LRRC56: variants seen among roughly 807,000 people sequenced by gnomAD.
The protein encoded by LRRC56 is leucine-rich repeat-containing protein 56.
In LRRC56, 41 loss-of-function variants were observed where a neutral mutation model predicts 47.8. That is an observed-to-expected ratio of 0.86 (90% confidence interval 0.67 to 1.11). The LOEUF (loss-of-function observed/expected upper bound fraction) is 1.11. Ranked by LOEUF, LRRC56 falls within the 50% of genes most tolerant of loss-of-function variation. LRRC56 has a pLI of 0.00. For missense variants in LRRC56, 759 were observed against 704.2 expected (o/e 1.08, Z -0.88); for synonymous variants, 387 against 311.2 (o/e 1.24, Z -2.56).
At chr11:547,683 G>A (rs1852160500) in intron 6 of LRRC56, among the ~76,000 whole-genome samples, 1 of 151,906 alleles carries the variant, frequency 6.6e-6, no homozygotes, top group South Asian at 2.1e-4. Flanking sequence ...CAACAAATTA[G>A]CTCTAAGAAC....
At chr11:518,767 G>C in the LRRC56 span, among the ~76,000 whole-genome samples, 1 of 152,160 alleles carries the variant, frequency 6.6e-6, no homozygotes, top group South Asian at 2.1e-4. Context: ...GGCTGCCCAC[G>C]ACGGGGCCGC....
Position 553,971 on chromosome 11 carries a change from G to T in LRRC56, c.1324G>T (p.Gly442Trp), listed in dbSNP as rs138005053. 5.7e-5 allele frequency: 92 copies of T among 1,611,356 alleles called. No individual in the cohort carries two copies. The highest frequency in any genetic ancestry group is 7.5e-5 in the Non-Finnish European group (89 of 1,179,404). Residue 442 changes from glycine (G) to tryptophan (W), a missense_variant, in exon 14 of 14, where the codon GGG becomes TGG. Transcript: ENST00000270115. ...SPPSLASEPSGTSSQHLVPSP... is the reference protein window; with the variant it reads ...SPPSLASEPSWTSSQHLVPSP... ...CTCTGCTTGCTTTCTAGAGCCCTCC[G>T]GGACCTCGAGCCAGCACCTGGTCCC...
At position 551,790 on chromosome 11, in the gene LRRC56, C is replaced by T; in HGVS notation, c.936C>T (p.Asp312=). Residue 312 remains aspartate (D), a synonymous_variant, in exon 10 of 14, where the codon GAC becomes GAT. Coordinates refer to ENST00000270115, the MANE Select transcript of LRRC56 (RefSeq NM_198075.4). ...GPLPEGLLSE[D]LAPEDNTSSL... is the part of the protein sequence containing the mutation. ...TGCCTGAAGGCCTGCTTTCTGAGGA[C>T]CTGGCCCCAGAAGATAACACCAGCA... 6.2e-7 allele frequency: 1 copy of T among 1,609,372 alleles called. No homozygotes were observed. The highest frequency in any genetic ancestry group is 8.5e-7 in the Non-Finnish European group (1 of 1,177,998).
chr11:513,039 G>C, the LRRC56 span, among the ~76,000 whole-genome samples: 1 of 152,198 alleles, frequency 6.6e-6, no homozygotes, highest in South Asian at 2.1e-4. Flanking sequence ...TGTAAATGTG[G>C]CTGCAGAACT....
the LRRC56 span, among the ~76,000 whole-genome samples, chr11:526,932 G>A: frequency 8.8e-4 from 133 of 151,332 alleles, no homozygotes; most frequent in Admixed American, 5.3e-3. Context: ...GCGAGACACC[G>A]TCTAAAAAAA....
At chr11:534,392 T>G, upstream of LRRC56, 1 of 1,314,904 alleles carries the variant, frequency 7.6e-7, no homozygotes, top group Non-Finnish European at 1.1e-6. Context: ...AGGAGGGCCC[T>G]GCTCAGCCAG....
Position 551,972 on chromosome 11 carries a change from A to G in LRRC56, c.1038+5A>G. ...GAGCGTAGGCACCAGTGCCAGGTACAGCCCACAGGGACCAGCCCCCCACGA... is the reference window on the plus strand; with the variant it reads ...GAGCGTAGGCACCAGTGCCAGGTACGGCCCACAGGGACCAGCCCCCCACGA... On this transcript the variant is annotated splice_donor_5th_base_variant and intron_variant, in intron 11 of 13. Transcript: ENST00000270115. 2 of 1,612,648 alleles carry G rather than the reference A, an allele frequency of 1.2e-6. No homozygotes were observed. Among genetic ancestry groups the G allele is most frequent in the Non-Finnish European group, 1.7e-6 (2 of 1,179,876 alleles).
chr11:539,332 G>A (rs531420622), intron 2 of LRRC56, among the ~76,000 whole-genome samples: 66 of 148,758 alleles, frequency 4.4e-4, no homozygotes, highest in African/African-American at 9.8e-4. Context: ...TGATCTGCCC[G>A]CCTCAGCCTC....
intron 6 of LRRC56, among the ~76,000 whole-genome samples, chr11:548,381 G>A (rs1171154462): frequency 6.6e-6 from 1 of 152,066 alleles, no homozygotes; most frequent in African/African-American, 2.4e-5. Context: ...CCTGGGCTCA[G>A]GTGCTCCTCC....
chr11:512,804 A>T, the LRRC56 span, among the ~76,000 whole-genome samples: 2 of 152,216 alleles, frequency 1.3e-5, no homozygotes, highest in African/African-American at 4.8e-5. Flanking sequence ...CTTCTAGTTG[A>T]TGGAGGGCAG....
intron 2 of LRRC56, among the ~76,000 whole-genome samples, 195 bp from the exon 3 acceptor site, chr11:539,384 CT>C (rs35782858): frequency 0.024 from 2,254 of 92,392 alleles, 80 homozygotes; most frequent in African/African-American, 0.098. Context: ...CGCACCCAGC[CT>C]TTTTTTTTTT....
chr11:511,512 T>A, the LRRC56 span, among the ~76,000 whole-genome samples: 2 of 152,320 alleles, frequency 1.3e-5, no homozygotes, highest in African/African-American at 4.8e-5. Context: ...TATCCTCTGA[T>A]TCACGGGCTA....
At chr11:533,395 T>C (rs767973364), upstream of LRRC56, 17 of 1,206,062 alleles carry the variant, frequency 1.4e-5, no homozygotes, top group Admixed American at 3.0e-4. Flanking sequence ...TGCTGCTCCC[T>C]GGCTGGGGCG....
Position 541,177 on chromosome 11 carries a change from AAG to A in LRRC56, c.177+319_177+320del, listed in dbSNP as rs1400610380. Among the ~76,000 whole-genome samples, 1 of 152,032 alleles carries A rather than the reference AAG, an allele frequency of 6.6e-6. No individual in the cohort carries two copies. The highest frequency in any genetic ancestry group is 2.4e-5 in the African/African-American group (1 of 41,394). ...CTGAGCATCCATTATCCTCCAACCA[AAG>A]AGGGGGGTCCTTCACTCAAGCGGGA... On this transcript the variant is annotated intron_variant, in intron 4 of 13. Transcript: ENST00000270115. This position sits in a 1 kb window ranked among gnomAD's most constrained non-coding sequence, Gnocchi z 4.1.
chr11:552,275 G>T (rs773779117), intron 12 of LRRC56, 43 bp downstream of exon 12: 1 of 1,573,700 alleles, frequency 6.4e-7, no homozygotes, highest in African/African-American at 1.4e-5. Context: ...GTCCTGTCCC[G>T]TGGGGAAATC....
chr11:534,486 A>C, upstream of LRRC56: 1 of 627,012 alleles, frequency 1.6e-6, no homozygotes, highest in Non-Finnish European at 2.8e-6. Context: ...CTGGGCCCCA[A>C]CGCCAGGCAG....
chr11:507,440 GT>G, the LRRC56 span: 2 of 107,672 alleles, frequency 1.9e-5, no homozygotes, highest in Admixed American at 2.0e-4. Context: ...TGGGGGCGTG[GT>G]CTCCCCCAGT....
intron 5 of LRRC56, 43 bp from the exon 6 acceptor site, chr11:544,677 G>A: frequency 6.2e-7 from 1 of 1,602,120 alleles, no homozygotes; most frequent in Non-Finnish European, 8.5e-7. Context: ...GAGGTGGGCG[G>A]GGTGAGGGGC....
chr11:515,277 A>G, the LRRC56 span, among the ~76,000 whole-genome samples: 1 of 151,546 alleles, frequency 6.6e-6, no homozygotes. Flanking sequence ...GCACCCCATG[A>G]CTCCTGGGAG....
Sources: allele counts gnomAD v4.1 joint callset (sites outside exome capture counted in the v4.1 genomes callset), GRCh38; gene constraint gnomAD v4.1.1; non-coding constraint Gnocchi (gnomAD v3.1); transcripts MANE v1.5; gene names NCBI Gene and HGNC (gene_info 2026-07-23, HGNC 2026-07-21).